MEMO1: variants seen among roughly 807,000 people sequenced by gnomAD.
MEMO1 encodes protein MEMO1.
A neutral mutation model predicts 45.2 loss-of-function variants in MEMO1; 6 were observed. The observed-to-expected ratio is 0.13, with a 90% CI of 0.07 to 0.26. MEMO1 has a LOEUF of 0.26. Among genes scored for constraint, MEMO1 ranks in the 10% least tolerant of loss-of-function variants. MEMO1 has a pLI of 1.00. For synonymous variants in MEMO1, 78 were observed against 124.3 expected, an observed-to-expected ratio of 0.63 and a Z score of 2.48; for missense variants, 184 against 370.5, an observed-to-expected ratio of 0.50 and a Z score of 4.13.
intron 2 of MEMO1, among the ~76,000 whole-genome samples, chr2:31,970,158 G>C (rs967508533): frequency 1.3e-5 from 2 of 151,834 alleles, no homozygotes; most frequent in African/African-American, 4.8e-5. Flanking sequence ...TTTTAGTAGA[G>C]ATGGGGTTTC....
In MEMO1 at chr2:31,907,826, CACA is replaced by C. The variant is rs1338416631; in HGVS notation, c.437+10097_437+10099del. ...ACACACACACACACACACACATACA[CACA>C]ACTAGTACAACTAGCAAAACAGAAA... On this transcript the variant is annotated intron_variant, in intron 6 of 9. Transcript: ENST00000404530. Among the ~76,000 whole-genome samples, 413 of 150,452 alleles carry C rather than the reference CACA, an allele frequency of 2.7e-3. 5 individuals carry two copies. The highest frequency in any genetic ancestry group is 3.9e-3 in the Non-Finnish European group (262 of 67,482).
At chr2:31,933,321 A>T (rs1188307730) in intron 3 of MEMO1, among the ~76,000 whole-genome samples, 7 of 29,414 alleles carry the variant, frequency 2.4e-4, no homozygotes, top group African/African-American at 7.2e-4. Context: ...CCTCTTTAAA[A>T]AAAAAAAAAA....
intron 2 of MEMO1, among the ~76,000 whole-genome samples, chr2:31,953,122 A>G (rs1389955463): frequency 6.6e-6 from 1 of 152,088 alleles, no homozygotes; most frequent in Non-Finnish European, 1.5e-5. Context: ...TAATCCCAGC[A>G]CTTTGGGAGG....
intron 2 of MEMO1, among the ~76,000 whole-genome samples, chr2:31,989,748 T>G (rs914704136): frequency 6.6e-6 from 1 of 152,208 alleles, no homozygotes. Flanking sequence ...TGATTTTTTT[T>G]AAAAAAGGAA....
At chr2:31,981,527 C>T (rs1670637204) in intron 2 of MEMO1, among the ~76,000 whole-genome samples, 1 of 152,214 alleles carries the variant, frequency 6.6e-6, no homozygotes, top group Admixed American at 6.6e-5. Context: ...TTTTCTAAAA[C>T]ATTGTGATAT....
At chr2:31,963,598 G>C (rs1359597883) in intron 2 of MEMO1, among the ~76,000 whole-genome samples, 1 of 152,104 alleles carries the variant, frequency 6.6e-6, no homozygotes, top group Non-Finnish European at 1.5e-5. Flanking sequence ...GTCAAGGTTG[G>C]GAAGTATTCC....
In MEMO1 at chr2:31,931,106, T is replaced by C. The variant is rs575953570; in HGVS notation, c.212+961A>G. Among the ~76,000 whole-genome samples the C allele has an allele frequency of 7.0e-4, 106 of 152,270 alleles. 1 individual carries two copies. The Middle Eastern group carries it at 0.01, about 15-fold the overall frequency. On this transcript the variant is annotated intron_variant, in intron 4 of 9. Transcript: ENST00000404530. ...AGGGCTAGCCAAAACCTCACCAATT[T>C]AGAAATATTATTGCTTTATTTTTAG...
chr2:31,876,246 T>G (rs1030320787), intron 8 of MEMO1, among the ~76,000 whole-genome samples: 5 of 152,298 alleles, frequency 3.3e-5, no homozygotes, highest in Admixed American at 3.3e-4. Flanking sequence ...TCTTAAGGTC[T>G]TTGCACTGGC....
intron 8 of MEMO1, among the ~76,000 whole-genome samples, chr2:31,870,556 T>C (rs1160836528): frequency 6.6e-6 from 1 of 152,180 alleles, no homozygotes; most frequent in African/African-American, 2.4e-5. Flanking sequence ...TTAAAGCTCA[T>C]GATAAAGGCA....
intron 4 of MEMO1, among the ~76,000 whole-genome samples, chr2:31,928,692 T>G (rs977116415): frequency 6.6e-6 from 1 of 152,172 alleles, no homozygotes; most frequent in South Asian, 2.1e-4. Flanking sequence ...CTTTTAAATT[T>G]TATATTTTTT....
intron 6 of MEMO1, among the ~76,000 whole-genome samples, chr2:31,905,274 A>G (rs1679499300): frequency 6.6e-6 from 1 of 152,112 alleles, no homozygotes; most frequent in Non-Finnish European, 1.5e-5. Flanking sequence ...CATCAGAGGC[A>G]AAGAACTGGG....
rs192781128 is a variant in MEMO1, at chr2:31,962,948, G to A, written c.62-19565C>T. Among the ~76,000 whole-genome samples, 237 of 152,298 alleles carry A rather than the reference G, an allele frequency of 1.6e-3. 1 individual carries two copies. The highest frequency in any genetic ancestry group is 5.3e-3 in the African/African-American group (220 of 41,570). The stretch of plus-strand genomic sequence containing the variant: ...GTGGGTAGGCCCCACCTCATCAGTT[G>A]AAGGCCTGCCTAAAACAAAAAGGTT... On this transcript the variant is annotated intron_variant, in intron 2 of 9. Coordinates refer to ENST00000404530, the MANE Select transcript of MEMO1 (RefSeq NM_001301833.4).
intron 6 of MEMO1, among the ~76,000 whole-genome samples, chr2:31,905,798 T>C (rs1236741956): frequency 6.6e-6 from 1 of 152,148 alleles, no homozygotes; most frequent in Non-Finnish European, 1.5e-5. Flanking sequence ...AGAATCCTCA[T>C]GATTCTAACC....
intron 8 of MEMO1, among the ~76,000 whole-genome samples, chr2:31,872,896 A>G (rs1047286528): frequency 6.6e-6 from 1 of 152,206 alleles, no homozygotes; most frequent in Non-Finnish European, 1.5e-5. Flanking sequence ...TATGCAAACA[A>G]AAGCAATAAT....
intron 2 of MEMO1, among the ~76,000 whole-genome samples, chr2:31,950,909 A>G (rs908309001): frequency 3.7e-4 from 57 of 152,334 alleles, no homozygotes; most frequent in Middle Eastern, 3.4e-3. Context: ...ACTTAGAGTC[A>G]TCAGCAATCC....
At chr2:31,945,355 T>G (rs937775367) in intron 2 of MEMO1, among the ~76,000 whole-genome samples, 3 of 152,214 alleles carry the variant, frequency 2.0e-5, no homozygotes, top group Admixed American at 2.0e-4. Flanking sequence ...TATGAACATA[T>G]GTTAACAGTT....
At chr2:31,878,698 G>A (rs916007880) in intron 8 of MEMO1, among the ~76,000 whole-genome samples, 3 of 152,046 alleles carry the variant, frequency 2.0e-5, no homozygotes, top group Non-Finnish European at 2.9e-5. Flanking sequence ...GTACAAACTT[G>A]CTAAAGACCA....
intron 3 of MEMO1, among the ~76,000 whole-genome samples, chr2:31,941,049 T>G (rs1665558302): frequency 1.3e-5 from 2 of 152,224 alleles, no homozygotes; most frequent in Admixed American, 1.3e-4. Flanking sequence ...GTAATTCTTT[T>G]CAAACCTAAG....
Position 31,899,288 on chromosome 2 carries a change from T to C in MEMO1, c.438-7154A>G, listed in dbSNP as rs563164364. On this transcript the variant is annotated intron_variant, in intron 6 of 9. Coordinates refer to ENST00000404530, the MANE Select transcript of MEMO1 (RefSeq NM_001301833.4). ...CATGCTACCTGATTTCAAACTATAC[T>C]ACAAGGCTACAGTAACCAAAACAGC... Among the ~76,000 whole-genome samples, 16 of 152,240 alleles carry C rather than the reference T, an allele frequency of 1.1e-4. No individual in the cohort carries two copies. In the South Asian group the frequency reaches 3.1e-3, roughly 30 times the overall value.
Sources: gnomAD v4.1 joint callset for allele counts (sites outside exome capture counted in the v4.1 genomes callset) on GRCh38, gnomAD v4.1.1 for gene constraint, MANE v1.5 for transcripts, NCBI Gene and HGNC (gene_info 2026-07-23, HGNC 2026-07-21) for gene names.